The following TRERF1 variants were observed in gnomAD, a reference collection of about 807,000 sequenced individuals.
TRERF1 encodes transcriptional-regulating factor 1.
A neutral mutation model predicts 122.9 loss-of-function variants in TRERF1; 27 were observed. The observed-to-expected ratio is 0.22, with a 90% CI of 0.16 to 0.30. TRERF1 has a LOEUF of 0.30. Ranked by LOEUF, TRERF1 falls within the 10% of genes least tolerant of loss-of-function variation. TRERF1 has a pLI of 1.00. For synonymous variants in TRERF1, 636 were observed against 641.7 expected, an observed-to-expected ratio of 0.99 and a Z score of 0.13; for missense variants, 1,248 against 1,560.3, an observed-to-expected ratio of 0.80 and a Z score of 3.37.
intron 3 of TRERF1, among the ~76,000 whole-genome samples, chr6:42,333,702 AT>A (rs1180744282): frequency 6.6e-6 from 1 of 152,184 alleles, no homozygotes; most frequent in Non-Finnish European, 1.5e-5. Flanking sequence ...AAGGGGCCCC[AT>A]GACTAACTTC....
rs191875961 is a variant in TRERF1 at position 42,448,506 on chromosome 6, T to C, written c.-454+2671A>G. Among the ~76,000 whole-genome samples the C allele has an allele frequency of 1.5e-4, 23 of 152,312 alleles. No homozygotes were observed. The East Asian group carries it at 3.9e-3, about 26-fold the overall frequency. On this transcript the variant is annotated intron_variant, in intron 2 of 17. Coordinates refer to ENST00000372922, the Ensembl canonical transcript of TRERF1. ...CTGGAATACCAAGGATCAAATCCAC[T>C]TTCTCCATGAGAAGACAAAAACAGA...
intron 2 of TRERF1, among the ~76,000 whole-genome samples, chr6:42,434,828 T>G (rs1313192656): frequency 6.6e-6 from 1 of 152,112 alleles, no homozygotes; most frequent in Non-Finnish European, 1.5e-5. Context: ...AAATTATTAT[T>G]GTCTACATAA....
rs1317786797 is a variant in TRERF1, at chr6:42,252,402, C to CA, written c.2656+2448dup. The stretch of plus-strand genomic sequence containing the variant: ...CCGCCCTGACATGGACAGGCTCAGG[C>CA]AGGCCTGGGAGACCTGAACTCCCTC... On this transcript the variant is annotated intron_variant, in intron 13 of 17. Transcript: ENST00000372922. Among the ~76,000 whole-genome samples the CA allele has an allele frequency of 2.6e-5, 4 of 152,268 alleles. No individual in the cohort carries two copies. The East Asian group carries it at 7.7e-4, about 29-fold the overall frequency.
chr6:42,375,013 A>T (rs1774572912), intron 2 of TRERF1, among the ~76,000 whole-genome samples: 1 of 151,638 alleles, frequency 6.6e-6, no homozygotes, highest in African/African-American at 2.4e-5. Flanking sequence ...CAAAAAAAAA[A>T]AAAAAAAAAA....
rs56057543 is a variant in TRERF1, at chr6:42,436,814, AATATATAT to A, written c.-454+14355_-454+14362del. ...ATCTCCCTCTACAAAAAAAAAAAAA[AATATATAT>A]ATATATATATATATATATATATATA... is the stretch of plus-strand genomic sequence containing the variant. On this transcript the variant is annotated intron_variant, in intron 2 of 17. Coordinates refer to ENST00000372922, the Ensembl canonical transcript of TRERF1. 9.0e-4 allele frequency among the ~76,000 whole-genome samples: 60 copies of A among 66,676 alleles called. 1 individual carries two copies. The highest frequency in any genetic ancestry group is 1.8e-3 in the South Asian group (2 of 1,112). The allele number at this position is 66,676 out of a possible 152,430, so 43.7% of individuals were successfully genotyped here.
At chr6:42,343,719 G>A (rs1314342980) in intron 3 of TRERF1, among the ~76,000 whole-genome samples, 3 of 152,228 alleles carry the variant, frequency 2.0e-5, no homozygotes, top group African/African-American at 7.2e-5. Flanking sequence ...GGTTGTATGT[G>A]TTTGTGGTGG....
intron 2 of TRERF1, among the ~76,000 whole-genome samples, chr6:42,421,727 T>C (rs745364770): frequency 1.9e-4 from 29 of 151,530 alleles, no homozygotes; most frequent in Non-Finnish European, 1.2e-4. Context: ...TAAACTGAGA[T>C]CGTGCAGTTA....
rs67342948 is a variant in TRERF1 at position 42,276,452 on chromosome 6, CCT to C, written c.-258-6606_-258-6605del. On this transcript the variant is annotated intron_variant, in intron 4 of 17. Transcript: ENST00000372922. The surrounding 1 kb of genome is among the most constrained non-coding windows in gnomAD (Gnocchi z 4.3). The stretch of plus-strand genomic sequence containing the variant: ...TTGGCTTGTGTTTTAGTCCAGCCTT[CCT>C]CTCGGCTCTGTCAAGGAAGCTTCAC... Among the ~76,000 whole-genome samples, 4,197 of 152,260 alleles carry C rather than the reference CCT, an allele frequency of 0.028. 58 individuals carry two copies. Among genetic ancestry groups the C allele is most frequent in the Non-Finnish European group, 0.037 (2,486 of 68,014 alleles).
intron 3 of TRERF1, among the ~76,000 whole-genome samples, chr6:42,321,167 AG>A (rs1256987139): frequency 6.6e-6 from 1 of 151,596 alleles, no homozygotes; most frequent in African/African-American, 2.4e-5. Context: ...AAAAAAAAAA[AG>A]GCATTTTCTT....
At chr6:42,315,769 G>A (rs1401954107) in intron 3 of TRERF1, among the ~76,000 whole-genome samples, 2 of 143,302 alleles carry the variant, frequency 1.4e-5, no homozygotes, top group African/African-American at 2.6e-5. Flanking sequence ...GCTGGAGAAC[G>A]CTGCAAGTCT....
At chr6:42,324,369 C>G (rs940573083) in intron 3 of TRERF1, among the ~76,000 whole-genome samples, 1 of 152,160 alleles carries the variant, frequency 6.6e-6, no homozygotes, top group Non-Finnish European at 1.5e-5. Context: ...TATCAAATGG[C>G]CAACATCATT....
At chr6:42,280,898 G>C (rs749458408) in intron 4 of TRERF1, among the ~76,000 whole-genome samples, 1 of 152,214 alleles carries the variant, frequency 6.6e-6, no homozygotes. Flanking sequence ...AAAACAGTAT[G>C]TTTTAATTCA....
chr6:42,255,004 GA>G (rs2149723283), intron 12 of TRERF1, 78 bp from the exon 13 acceptor site: 3 of 1,473,026 alleles, frequency 2.0e-6, no homozygotes, highest in African/African-American at 1.4e-5. Flanking sequence ...ACCCAAAGGG[GA>G]AAAGCGGTTA....
intron 2 of TRERF1, among the ~76,000 whole-genome samples, chr6:42,379,433 C>T (rs1471928276): frequency 1.3e-5 from 2 of 152,116 alleles, no homozygotes; most frequent in Admixed American, 1.3e-4. Context: ...CTTTCATTTC[C>T]ATTTGTGTTT....
chr6:42,287,786 C>T (rs995463652), intron 4 of TRERF1, among the ~76,000 whole-genome samples: 1 of 152,160 alleles, frequency 6.6e-6, no homozygotes, highest in South Asian at 2.1e-4. Context: ...CCATGCTCCT[C>T]TGGTCGGGTC....
rs1779820295 is a variant in TRERF1 at position 42,269,327 on chromosome 6, A to G, written c.264T>C (p.His88=). ...GCTGGACATGGTTTCCAGGCCCTGC[A>G]TGACTTCCCCACCCTCCCTGCCTCG... Residue 88 remains histidine (H), a synonymous_variant, in exon 5 of 18, where the codon CAT becomes CAC. Coordinates refer to ENST00000372922, the Ensembl canonical transcript of TRERF1. This position sits in a 1 kb window ranked among gnomAD's most constrained non-coding sequence, Gnocchi z 4.9. The G allele has an allele frequency of 6.2e-7, 1 of 1,614,138 alleles. No homozygotes were observed. Among genetic ancestry groups the G allele is most frequent in the Non-Finnish European group, 8.5e-7 (1 of 1,180,020 alleles).
chr6:42,401,993 T>C (rs1317008225), intron 2 of TRERF1, among the ~76,000 whole-genome samples: 3 of 152,214 alleles, frequency 2.0e-5, no homozygotes, highest in Non-Finnish European at 2.9e-5. Context: ...GTCCTTTTAT[T>C]AAAAATTAAT....
At chr6:42,231,189 G>C (rs1257289539) in intron 17 of TRERF1, among the ~76,000 whole-genome samples, 2 of 152,202 alleles carry the variant, frequency 1.3e-5, no homozygotes, top group African/African-American at 4.8e-5. Context: ...GAGGCTGCAA[G>C]TTCAACCTCT....
chr6:42,424,942 T>G (rs1407839117), intron 2 of TRERF1, among the ~76,000 whole-genome samples: 1 of 152,192 alleles, frequency 6.6e-6, no homozygotes. Context: ...AGAGCCTCTG[T>G]GTATCTGTTG....
Sources: allele counts gnomAD v4.1 joint callset (sites outside exome capture counted in the v4.1 genomes callset), GRCh38; gene constraint gnomAD v4.1.1; non-coding constraint Gnocchi (gnomAD v3.1); transcripts MANE v1.5; gene names NCBI Gene and HGNC (gene_info 2026-07-23, HGNC 2026-07-21).